The following PICALM variants were observed in gnomAD, a reference collection of about 807,000 sequenced individuals.
The protein encoded by PICALM is phosphatidylinositol binding clathrin assembly protein.
A neutral mutation model predicts 80.5 loss-of-function variants in PICALM; 40 were observed. The observed-to-expected ratio is 0.50, with a 90% CI of 0.39 to 0.65. The LOEUF is 0.65. Ranked by LOEUF, PICALM falls within the 30% of genes least tolerant of loss-of-function variation. The probability of loss-of-function intolerance (pLI) is 0.00; values close to 1 mark genes in which losing one functional copy is unlikely to be tolerated. For synonymous variants in PICALM, 288 were observed against 260.3 expected (o/e 1.11, Z -1.02); for missense variants, 676 against 778.9 (o/e 0.87, Z 1.57).
intron 2 of PICALM, among the ~76,000 whole-genome samples, chr11:86,028,897 G>A (rs1008122855): frequency 1.2e-3 from 186 of 150,906 alleles, no homozygotes; most frequent in Non-Finnish European, 1.6e-4. Context: ...GGCATGCAAA[G>A]GTGTCATCTC....
At chr11:86,068,588 G>A (rs1221517211) in intron 1 of PICALM, 63 bp downstream of exon 1, 1 of 1,508,096 alleles carries the variant, frequency 6.6e-7, no homozygotes. Context: ...AAGAGAGAGA[G>A]AGAAGGACGC....
intron 12 of PICALM, among the ~76,000 whole-genome samples, chr11:85,995,546 G>C (rs1338370029): frequency 6.6e-6 from 1 of 152,112 alleles, no homozygotes; most frequent in Non-Finnish European, 1.5e-5. Context: ...AGGAATTGCA[G>C]TTCAGCTTCT....
chr11:86,018,086 G>A (rs999506650), intron 4 of PICALM, among the ~76,000 whole-genome samples: 4 of 152,114 alleles, frequency 2.6e-5, no homozygotes, highest in African/African-American at 9.6e-5. Context: ...GTATCTCACT[G>A]AAGTCTCTCA....
chr11:86,011,206 T>C (rs1000054863), intron 6 of PICALM, 70 bp from the exon 7 acceptor site: 7 of 657,518 alleles, frequency 1.1e-5, no homozygotes, highest in Non-Finnish European at 1.9e-5. Context: ...AAAAAAAAAG[T>C]AGGTAATAGC....
At chr11:86,021,142 G>A (rs1193624568) in intron 4 of PICALM, among the ~76,000 whole-genome samples, 2 of 152,112 alleles carry the variant, frequency 1.3e-5, no homozygotes, top group Non-Finnish European at 2.9e-5. Flanking sequence ...GAGCCCAGGA[G>A]TTCAAGACCA....
intron 19 of PICALM, among the ~76,000 whole-genome samples, chr11:85,974,061 C>A (rs972254223): frequency 1.3e-5 from 2 of 151,686 alleles, no homozygotes; most frequent in South Asian, 2.1e-4. Context: ...AAAAAAAATT[C>A]TTCTAATGCA....
chr11:86,068,657 G>C lies in PICALM; in HGVS notation c.124C>G (p.Leu42Val), dbSNP rs759002840. The change falls in exon 1 of 20, where the codon CTG becomes GTG. Residue 42 changes from leucine to valine, a missense_variant. Around this residue, in one of 2 missense-constraint regions of PICALM, gnomAD observed 285 missense variants for 395.4 expected, o/e 0.72. Coordinates refer to ENST00000393346, the MANE Select transcript of PICALM (RefSeq NM_007166.4). ...CGCGGTCGGCTTCACTCACAGTCCA[G>C]GTGCTTTTTCTTGGGCCCCATGATC... ...HEIMGPKKKHLDYLIQCTNEM... is the reference protein window; with the variant it reads ...HEIMGPKKKHVDYLIQCTNEM... 2.0e-5 allele frequency: 32 copies of C among 1,612,582 alleles called. No individual in the cohort carries two copies. The Admixed American group carries it at 4.2e-4, about 21-fold the overall frequency.
At position 86,009,097 on chromosome 11, in the gene PICALM, G is replaced by A. The variant is rs1010444430; in HGVS notation, c.766-1514C>T. ...GGGTGGGTTGATTACTTGAGGTCAG[G>A]AGTTCCAGATTAGCCCGGCCAACAT... is the stretch of plus-strand genomic sequence containing the variant. On this transcript the variant is annotated intron_variant, in intron 7 of 19. Transcript: ENST00000393346. Among the ~76,000 whole-genome samples, 4 of 151,542 alleles carry A rather than the reference G, an allele frequency of 2.6e-5. No homozygotes were observed. In the East Asian group the frequency reaches 7.7e-4, roughly 29 times the overall value.
At position 86,057,664 on chromosome 11, in the gene PICALM, C is replaced by T. The variant is rs112564368; in HGVS notation, c.130+10987G>A. Among the ~76,000 whole-genome samples the T allele has an allele frequency of 6.6e-5, 10 of 152,112 alleles. No individual in the cohort carries two copies. The South Asian group carries it at 8.3e-4, about 13-fold the overall frequency. ...CATTATCATGGATTCAATCATGAAT[C>T]GAAAATATACCAAAAAAATGCATCT... On this transcript the variant is annotated intron_variant, in intron 1 of 19. Coordinates refer to ENST00000393346, the MANE Select transcript of PICALM (RefSeq NM_007166.4).
intron 13 of PICALM, among the ~76,000 whole-genome samples, chr11:85,986,681 C>T (rs1348427966): frequency 1.3e-5 from 2 of 152,128 alleles, no homozygotes; most frequent in East Asian, 3.9e-4. Context: ...TGAGCCACCG[C>T]GCCCGGCCCT....
intron 11 of PICALM, among the ~76,000 whole-genome samples, chr11:85,998,254 G>C (rs1294920289): frequency 1.3e-5 from 2 of 151,906 alleles, no homozygotes; most frequent in Non-Finnish European, 2.9e-5. Context: ...TGGGACTACA[G>C]GCGCCTGCCA....
intron 7 of PICALM, among the ~76,000 whole-genome samples, chr11:86,010,060 C>T (rs1389129924): frequency 6.6e-6 from 1 of 152,124 alleles, no homozygotes; most frequent in East Asian, 1.9e-4. Flanking sequence ...ACTGCTTTGA[C>T]ATAATTGAGC....
At chr11:86,027,883 A>T (rs980630436) in intron 2 of PICALM, among the ~76,000 whole-genome samples, 1 of 152,152 alleles carries the variant, frequency 6.6e-6, no homozygotes, top group East Asian at 1.9e-4. Flanking sequence ...TTGAAAATCA[A>T]TGTGTAAACT....
intron 19 of PICALM, 21 bp from the exon 20 acceptor site, chr11:85,959,081 T>G (rs1018211123): frequency 2.0e-6 from 3 of 1,536,654 alleles, no homozygotes; most frequent in Non-Finnish European, 2.7e-6. Context: ...AAAGTGGGTA[T>G]GTTAATTCAT....
chr11:85,989,832 C>T (rs367964392), intron 13 of PICALM, among the ~76,000 whole-genome samples: 8 of 151,794 alleles, frequency 5.3e-5, no homozygotes, highest in African/African-American at 1.9e-4. Flanking sequence ...AAGATAGCTG[C>T]TAAGAGTGAT....
At chr11:86,009,412 C>T (rs1213178737) in intron 7 of PICALM, among the ~76,000 whole-genome samples, 1 of 150,358 alleles carries the variant, frequency 6.7e-6, no homozygotes, top group Non-Finnish European at 1.5e-5. Context: ...TAAGTTTGGG[C>T]GGGATGCCAT....
At chr11:86,010,289 T>C (rs17148704) in intron 7 of PICALM, among the ~76,000 whole-genome samples, 24,276 of 151,872 alleles carry the variant, frequency 0.16, 1,988 homozygotes, top group Admixed American at 0.18. Flanking sequence ...CAATCAATGA[T>C]AATAAATACA....
In PICALM at chr11:85,996,886, T is replaced by C; in HGVS notation, c.1198A>G (p.Thr400Ala). ...PNDLLDLQQP[T>A]FHPSVHPMST... ...ATAGGATGTACAGATGGGTGAAAAG[T>C]TGGCTGCTGCAAATCAAGCAGATCA... The change falls in exon 12 of 20, where the codon ACT becomes GCT. Residue 400 changes from threonine (T) to alanine (A), a missense_variant. Physicochemically the swap from Thr to Ala is moderately conservative, Grantham distance 58. Around this residue, in one of 2 missense-constraint regions of PICALM, gnomAD observed 391 missense variants for 383.6 expected, o/e 1.02. Coordinates refer to ENST00000393346, the MANE Select transcript of PICALM (RefSeq NM_007166.4). 1.9e-6 allele frequency: 3 copies of C among 1,613,222 alleles called. No individual in the cohort carries two copies. Among genetic ancestry groups the C allele is most frequent in the South Asian group, 2.2e-5 (2 of 90,972 alleles).
rs528134330 is a variant in PICALM, at chr11:85,989,767, T to C, written c.1408+483A>G. On this transcript the variant is annotated intron_variant, in intron 13 of 19. Transcript: ENST00000393346. ...GAATGGGATAAAAGATATGCATAGA[T>C]TTTGGACAATATAAAACTGTGACGT... 6.6e-5 allele frequency among the ~76,000 whole-genome samples: 10 copies of C among 152,122 alleles called. No individual in the cohort carries two copies. The East Asian group carries it at 9.6e-4, about 15-fold the overall frequency.
Sources: gnomAD v4.1 joint callset for allele counts (sites outside exome capture counted in the v4.1 genomes callset) on GRCh38, gnomAD v4.1.1 for gene constraint, gnomAD v4.1.1 regional missense constraint, MANE v1.5 for transcripts, NCBI Gene and HGNC (gene_info 2026-07-23, HGNC 2026-07-21) for gene names.